Variants in HTR1F observed in about 807,000 individuals in gnomAD.
HTR1F encodes the protein 5-hydroxytryptamine receptor 1F.
In HTR1F, 17 loss-of-function variants were observed where a neutral mutation model predicts 24.0. The observed-to-expected ratio is 0.71, with a 90% CI of 0.48 to 1.06. The LOEUF (loss-of-function observed/expected upper bound fraction) is 1.06. HTR1F is among the 50% of genes least tolerant of loss of function. The pLI is 0.00. For missense variants in HTR1F, 391 were observed against 427.8 expected, an observed-to-expected ratio of 0.91 and a Z score of 0.76; for synonymous variants, 186 against 156.8, an observed-to-expected ratio of 1.19 and a Z score of -1.39.
At chr3:87,986,730 G>A (rs1488625059) in intron 2 of HTR1F, among the ~76,000 whole-genome samples, 2 of 152,068 alleles carry the variant, frequency 1.3e-5, no homozygotes, top group African/African-American at 2.4e-5. Flanking sequence ...TGTTTATCAG[G>A]CAAATTAAAA....
chr3:87,872,113 A>G (rs1285327485), intron 2 of HTR1F, among the ~76,000 whole-genome samples: 1 of 152,176 alleles, frequency 6.6e-6, no homozygotes, highest in Non-Finnish European at 1.5e-5. Flanking sequence ...ACATTGTAAA[A>G]TACACAAGTA....
intron 2 of HTR1F, among the ~76,000 whole-genome samples, chr3:87,881,298 G>A (rs1174432552): frequency 6.6e-6 from 1 of 152,202 alleles, no homozygotes; most frequent in Admixed American, 6.5e-5. Flanking sequence ...TGGCTTGGCG[G>A]GTCCCACACC....
chr3:87,924,656 G>A (rs550562144), intron 2 of HTR1F, among the ~76,000 whole-genome samples: 5 of 152,232 alleles, frequency 3.3e-5, no homozygotes, highest in Admixed American at 6.5e-5. Context: ...ATTCTTGGCT[G>A]TCAGTATTTT....
chr3:87,823,138 G>A (rs1704392055), intron 2 of HTR1F, among the ~76,000 whole-genome samples: 1 of 152,138 alleles, frequency 6.6e-6, no homozygotes, highest in Admixed American at 6.6e-5. Context: ...GTAAGCTACT[G>A]TCACAAAGCT....
intron 2 of HTR1F, among the ~76,000 whole-genome samples, chr3:87,965,872 C>T (rs904855009): frequency 6.6e-5 from 10 of 152,208 alleles, no homozygotes; most frequent in Non-Finnish European, 1.5e-4. Context: ...GCCACATCAG[C>T]TGAAACTAAC....
At chr3:87,917,044 A>G (rs1204503668) in intron 2 of HTR1F, among the ~76,000 whole-genome samples, 1 of 152,076 alleles carries the variant, frequency 6.6e-6, no homozygotes, top group Non-Finnish European at 1.5e-5. Flanking sequence ...AAAACTGAAA[A>G]TAAACTCCAA....
At chr3:87,958,367 GT>G (rs1338866480) in intron 2 of HTR1F, among the ~76,000 whole-genome samples, 1 of 151,438 alleles carries the variant, frequency 6.6e-6, no homozygotes, top group African/African-American at 2.4e-5. Context: ...TTAGAGAAGA[GT>G]TTTTTAAAAC....
At chr3:87,902,412 T>C (rs1706345056) in intron 2 of HTR1F, among the ~76,000 whole-genome samples, 1 of 151,934 alleles carries the variant, frequency 6.6e-6, no homozygotes, top group East Asian at 1.9e-4. Flanking sequence ...GGAAAAAAAG[T>C]CAATTCCAAG....
chr3:87,883,844 T>C (rs1260364854), intron 2 of HTR1F, among the ~76,000 whole-genome samples: 1 of 152,088 alleles, frequency 6.6e-6, no homozygotes, highest in South Asian at 2.1e-4. Context: ...TGGGACTATA[T>C]GAAAAGACCA....
At chr3:87,956,191 ATTCAT>A (rs1440228167) in intron 2 of HTR1F, among the ~76,000 whole-genome samples, 5 of 151,432 alleles carry the variant, frequency 3.3e-5, no homozygotes, top group South Asian at 2.1e-4. Flanking sequence ...TATGTCTATG[ATTCAT>A]TTCAAGTTAA....
At chr3:87,863,563 C>A (rs1368675600) in intron 2 of HTR1F, among the ~76,000 whole-genome samples, 1 of 152,028 alleles carries the variant, frequency 6.6e-6, no homozygotes, top group African/African-American at 2.4e-5. Flanking sequence ...TATTTTTTTC[C>A]AGTTTCCAAT....
chr3:87,824,408 T>G (rs1226586239), intron 2 of HTR1F, among the ~76,000 whole-genome samples: 2 of 152,220 alleles, frequency 1.3e-5, no homozygotes, highest in African/African-American at 2.4e-5. Flanking sequence ...AGCTTGTTTA[T>G]GTAAAACAGG....
chr3:87,990,966 G>A lies in HTR1F; in HGVS notation c.217G>A (p.Ala73Thr), dbSNP rs1430491149. 6.2e-7 allele frequency: 1 copy of A among 1,614,132 alleles called. No individual in the cohort carries two copies. The highest frequency in any genetic ancestry group is 2.2e-5 in the East Asian group (1 of 44,886). ...CSLAVTDFLVAVLVMPFSIVY... is the reference protein window; with the variant it reads ...CSLAVTDFLVTVLVMPFSIVY... The stretch of plus-strand genomic sequence containing the variant: ...CCTTGCAGTCACAGATTTTCTTGTG[G>A]CTGTCCTGGTGATGCCCTTCAGCAT... The change falls in exon 3 of 3, where the codon GCT (alanine) becomes ACT (threonine). Residue 73 changes from alanine to threonine, a missense_variant. Physicochemically the swap from Ala to Thr is moderately conservative, Grantham distance 58. Coordinates refer to ENST00000319595, the MANE Select transcript of HTR1F (RefSeq NM_001322209.2).
chr3:87,953,573 A>G (rs1704880985), intron 2 of HTR1F, among the ~76,000 whole-genome samples: 2 of 151,770 alleles, frequency 1.3e-5, no homozygotes. Flanking sequence ...GGGCATACTT[A>G]TATGTTGTTG....
At chr3:87,939,644 T>TC (rs1426603938) in intron 2 of HTR1F, among the ~76,000 whole-genome samples, 1 of 152,224 alleles carries the variant, frequency 6.6e-6, no homozygotes, top group Non-Finnish European at 1.5e-5. Flanking sequence ...TTCTAGATTT[T>TC]CTAGTTTATT....
intron 2 of HTR1F, among the ~76,000 whole-genome samples, chr3:87,966,942 T>C (rs1437112541): frequency 6.6e-6 from 1 of 152,148 alleles, no homozygotes; most frequent in Non-Finnish European, 1.5e-5. Context: ...CTTTATACTC[T>C]TAATTAGTTA....
chr3:87,981,007 G>A (rs1297701230), intron 2 of HTR1F, among the ~76,000 whole-genome samples: 1 of 151,954 alleles, frequency 6.6e-6, no homozygotes, highest in Non-Finnish European at 1.5e-5. Flanking sequence ...GGGGGGGTGG[G>A]GCTCCCACCC....
Position 87,938,584 on chromosome 3 carries a change from A to C in HTR1F, c.-42-52124A>C, listed in dbSNP as rs546618043. ...TAAAATAGCATGGTACTGGTACAAA[A>C]ACTGACACATAGACAAATGGAAGAA... On this transcript the variant is annotated intron_variant, in intron 2 of 2. Transcript: ENST00000319595. Among the ~76,000 whole-genome samples the C allele has an allele frequency of 1.2e-4, 19 of 152,300 alleles. No homozygotes were observed. In the South Asian group the frequency reaches 3.7e-3, roughly 30 times the overall value.
At chr3:87,890,587 T>G (rs1282368135) in intron 2 of HTR1F, among the ~76,000 whole-genome samples, 3 of 150,566 alleles carry the variant, frequency 2.0e-5, no homozygotes, top group African/African-American at 7.4e-5. Context: ...GAATAGAGTA[T>G]TAGATGGGAA....
Sources: allele counts gnomAD v4.1 joint callset (sites outside exome capture counted in the v4.1 genomes callset), GRCh38; gene constraint gnomAD v4.1.1; transcripts MANE v1.5; gene names NCBI Gene and HGNC (gene_info 2026-07-23, HGNC 2026-07-21).